The following CNTNAP2 variants were observed in gnomAD, a reference collection of about 807,000 sequenced individuals.
The protein encoded by CNTNAP2 is contactin associated protein 2, also known as contactin-associated protein-like 2.
A neutral mutation model predicts 155.2 loss-of-function variants in CNTNAP2; 98 were observed. That is an observed-to-expected ratio of 0.63 (90% CI 0.54 to 0.75). The LOEUF is 0.75. Ranked by LOEUF, CNTNAP2 falls within the 30% of genes least tolerant of loss-of-function variation. The pLI, the probability that CNTNAP2 is intolerant of heterozygous loss-of-function variation, is 0.00. For synonymous variants in CNTNAP2, 651 were observed against 631.2 expected (o/e 1.03, Z -0.47); for missense variants, 1,727 against 1,688.1 (o/e 1.02, Z -0.40).
Position 146,723,253 on chromosome 7 carries a change from C to T in CNTNAP2, c.98-51018C>T, listed in dbSNP as rs148955649. Reference sequence around the variant, plus strand: ...GGCAGAGGTGGGAGTGCTGCAGCCACGAGACAAGAAACAACTGGGGCCACC... The same window carrying T: ...GGCAGAGGTGGGAGTGCTGCAGCCATGAGACAAGAAACAACTGGGGCCACC... On this transcript the variant is annotated intron_variant, in intron 1 of 23. Coordinates refer to ENST00000361727, the MANE Select transcript of CNTNAP2 (RefSeq NM_014141.6). Among the ~76,000 whole-genome samples, 449 of 152,030 alleles carry T rather than the reference C, an allele frequency of 3.0e-3. 3 individuals carry two copies. Among genetic ancestry groups the T allele is most frequent in the Middle Eastern group, 0.01 (3 of 294 alleles).
At chr7:146,551,497 C>T (rs1055668298) in intron 1 of CNTNAP2, among the ~76,000 whole-genome samples, 3 of 152,030 alleles carry the variant, frequency 2.0e-5, no homozygotes, top group East Asian at 3.9e-4. Context: ...CATAGTATTC[C>T]ATGGTGTATA....
At chr7:148,285,299 A>C (rs1039585453) in intron 21 of CNTNAP2, among the ~76,000 whole-genome samples, 3 of 152,238 alleles carry the variant, frequency 2.0e-5, no homozygotes, top group African/African-American at 7.2e-5. Flanking sequence ...AGAAGTGTTT[A>C]ATAATTTTTA....
intron 12 of CNTNAP2, among the ~76,000 whole-genome samples, chr7:147,575,233 GTGTGTT>G (rs1800370131): frequency 4.0e-5 from 1 of 24,740 alleles, no homozygotes; most frequent in Admixed American, 5.0e-4. Context: ...ATGCATATGT[GTGTGTT>G]TGTGTGTGTG....
intron 3 of CNTNAP2, among the ~76,000 whole-genome samples, chr7:146,860,108 T>C (rs1190938647): frequency 2.6e-5 from 4 of 152,238 alleles, no homozygotes; most frequent in Admixed American, 2.0e-4. Flanking sequence ...ATTTAACAAA[T>C]ATTTATCAAG....
chr7:147,119,144 GCA>G (rs145244072), intron 5 of CNTNAP2, among the ~76,000 whole-genome samples: 3 of 151,890 alleles, frequency 2.0e-5, no homozygotes, highest in Non-Finnish European at 2.9e-5. Context: ...GCACACGTGT[GCA>G]CACACACACA....
At chr7:147,643,056 G>T (rs10155864) in intron 13 of CNTNAP2, among the ~76,000 whole-genome samples, 3,789 of 152,184 alleles carry the variant, frequency 0.025, 162 homozygotes, top group African/African-American at 0.086. Flanking sequence ...GAGCTTGGTT[G>T]GGGCCTCAGA....
intron 13 of CNTNAP2, among the ~76,000 whole-genome samples, chr7:147,851,713 G>A (rs1798944877): frequency 6.9e-6 from 1 of 144,034 alleles, no homozygotes; most frequent in Non-Finnish European, 1.5e-5. Context: ...TGAACAATGA[G>A]AACACTTGGA....
chr7:147,762,797 G>GAAGGGAAGA (rs1797324937), intron 13 of CNTNAP2, among the ~76,000 whole-genome samples: 1 of 151,266 alleles, frequency 6.6e-6, no homozygotes, highest in African/African-American at 2.4e-5. Context: ...GGAAGAGGAG[G>GAAGGGAAGA]AAGGGAAGGA....
At chr7:147,237,049 CTTTTTTTTTTTTTTTTTTT>C (rs548220734) in intron 8 of CNTNAP2, among the ~76,000 whole-genome samples, 18 of 57,480 alleles carry the variant, frequency 3.1e-4, no homozygotes, top group African/African-American at 8.1e-4. Context: ...TTCACCTCCT[CTTTTTTTTTTTTTTTTTTT>C]TTTTTTTTTT....
At chr7:146,566,843 T>C (rs1016466222) in intron 1 of CNTNAP2, among the ~76,000 whole-genome samples, 7 of 152,354 alleles carry the variant, frequency 4.6e-5, no homozygotes, top group African/African-American at 1.4e-4. Flanking sequence ...GTCTTCATAG[T>C]ATAAGGATTC....
rs1029221890 is a variant in CNTNAP2, at chr7:147,225,434, G to A, written c.1349-74707G>A. 3.3e-5 allele frequency among the ~76,000 whole-genome samples: 5 copies of A among 152,102 alleles called. 1 individual carries two copies. The highest frequency in any genetic ancestry group is 4.1e-4 in the South Asian group (2 of 4,820). The stretch of plus-strand genomic sequence containing the variant: ...GCTGAAAGTGACTTTTGTCCCTTTC[G>A]GTGTAGGGATAAATGTTATCCCACC... On this transcript the variant is annotated intron_variant, in intron 8 of 23. Transcript: ENST00000361727.
chr7:147,568,103 AAAAT>A (rs897573099), intron 12 of CNTNAP2, among the ~76,000 whole-genome samples: 3 of 152,130 alleles, frequency 2.0e-5, no homozygotes, highest in African/African-American at 7.2e-5. Context: ...AAATAAATAT[AAAAT>A]AAAAAAATCT....
chr7:147,141,689 C>T (rs528672203), intron 8 of CNTNAP2, among the ~76,000 whole-genome samples: 2 of 152,204 alleles, frequency 1.3e-5, no homozygotes, highest in South Asian at 4.2e-4. Flanking sequence ...ATTCATGAAA[C>T]ACTTTGGTGT....
Position 148,404,923 on chromosome 7 carries a change from GTTCTC to G in CNTNAP2, c.3716-4461_3716-4457del, listed in dbSNP as rs558684209. 5.3e-3 allele frequency among the ~76,000 whole-genome samples: 800 copies of G among 152,270 alleles called. 7 individuals are homozygous for G. Among genetic ancestry groups the G allele is most frequent in the African/African-American group, 0.018 (733 of 41,542 alleles). On this transcript the variant is annotated intron_variant, in intron 22 of 23. Transcript: ENST00000361727. ...TTCTCCTCTTGATGTTCAGCCGCTTGTTCTCTTCTCTCCTCTGCCACACTGCTCTG... is the reference window on the plus strand; with the variant it reads ...TTCTCCTCTTGATGTTCAGCCGCTTGTTCTCTCCTCTGCCACACTGCTCTG...
At chr7:147,356,077 C>T (rs191387133) in intron 9 of CNTNAP2, among the ~76,000 whole-genome samples, 118 of 152,182 alleles carry the variant, frequency 7.8e-4, no homozygotes, top group African/African-American at 2.8e-3. Flanking sequence ...CATCAAAAAG[C>T]TTATCCACCA....
intron 1 of CNTNAP2, among the ~76,000 whole-genome samples, chr7:146,177,662 A>C (rs1798489178): frequency 6.6e-6 from 1 of 152,230 alleles, no homozygotes; most frequent in African/African-American, 2.4e-5. Context: ...GACAAATCAA[A>C]AGGTTGACTT....
intron 1 of CNTNAP2, among the ~76,000 whole-genome samples, chr7:146,579,103 TC>T (rs1311691015): frequency 1.3e-5 from 2 of 152,182 alleles, no homozygotes; most frequent in East Asian, 3.9e-4. Context: ...AAAATCACTC[TC>T]CCTAGATGAT....
intron 13 of CNTNAP2, among the ~76,000 whole-genome samples, chr7:147,721,736 A>G (rs1251179179): frequency 2.6e-5 from 4 of 152,116 alleles, no homozygotes; most frequent in Non-Finnish European, 5.9e-5. Flanking sequence ...ATTAAGTATG[A>G]AATTCAGGTA....
intron 1 of CNTNAP2, among the ~76,000 whole-genome samples, chr7:146,321,420 C>G (rs1800999179): frequency 6.6e-6 from 1 of 152,176 alleles, no homozygotes; most frequent in Non-Finnish European, 1.5e-5. Flanking sequence ...GTGGAGAGAA[C>G]TCACTGTGTG....
Sources: allele counts gnomAD v4.1 joint callset (sites outside exome capture counted in the v4.1 genomes callset), GRCh38; gene constraint gnomAD v4.1.1; transcripts MANE v1.5; gene names NCBI Gene and HGNC (gene_info 2026-07-23, HGNC 2026-07-21).